Variants in ZNF429 observed in about 807,000 individuals in gnomAD.
ZNF429 encodes the protein zinc finger protein 429.
Under a neutral mutation model 56.8 loss-of-function variants are expected in ZNF429, and 53 were observed. That is an observed-to-expected ratio of 0.93 (90% confidence interval 0.75 to 1.17). The LOEUF is 1.17. ZNF429 is among the 50% of genes most tolerant of loss of function. The pLI, the probability that ZNF429 is intolerant of heterozygous loss-of-function variation, is 0.00. For missense variants in ZNF429, 849 were observed against 788.4 expected (o/e 1.08, Z -0.92); for synonymous variants, 278 against 264.7 (o/e 1.05, Z -0.49).
chr19:21,531,270 A>T, intron 3 of ZNF429, among the ~76,000 whole-genome samples: 1 of 152,068 alleles, frequency 6.6e-6, no homozygotes, highest in African/African-American at 2.4e-5. Flanking sequence ...GGACCCTAGT[A>T]CAGACCCCGC....
chr19:21,506,489 TTTAA>T (rs1363411621), intron 1 of ZNF429, among the ~76,000 whole-genome samples: 1 of 148,298 alleles, frequency 6.7e-6, no homozygotes, highest in South Asian at 2.1e-4. Context: ...TATTAAAGAA[TTTAA>T]TTAAAGAGTG....
chr19:21,522,064 C>G (rs1000992640), intron 1 of ZNF429, among the ~76,000 whole-genome samples: 1 of 152,140 alleles, frequency 6.6e-6, no homozygotes, highest in South Asian at 2.1e-4. Context: ...CAGGAGTGCT[C>G]TAGCCCAGTG....
chr19:21,540,387 TTTAAA>T lies in ZNF429; in HGVS notation c.*2312_*2316del, dbSNP rs2033879779. 6.6e-6 allele frequency among the ~76,000 whole-genome samples: 1 copy of T among 152,108 alleles called. No homozygotes were observed. The highest frequency in any genetic ancestry group is 1.5e-5 in the Non-Finnish European group (1 of 67,982). ...TTAAATATTTATCCTTTTTTTGATA[TTTAAA>T]TTTTTTTCTTATTTTTTTGTGGGTA... On this transcript the variant is annotated 3_prime_UTR_variant, in exon 4 of 4. Coordinates refer to ENST00000358491, the MANE Select transcript of ZNF429 (RefSeq NM_001001415.4).
At chr19:21,517,454 T>A (rs762790099) in intron 1 of ZNF429, among the ~76,000 whole-genome samples, 20 of 152,292 alleles carry the variant, frequency 1.3e-4, no homozygotes, top group Non-Finnish European at 2.8e-4. Context: ...TGTTACTATA[T>A]AATGAGCAGG....
Position 21,506,765 on chromosome 19 carries a change from TTG to T in ZNF429, c.3+993_3+994del, listed in dbSNP as rs1330519164. ...AAAAAAAAGCATTTGAGTTAGTTTT[TTG>T]TTTTTTTTTTTTTTTTTTTGAGATG... On this transcript the variant is annotated intron_variant, in intron 1 of 3. Coordinates refer to ENST00000358491, the MANE Select transcript of ZNF429 (RefSeq NM_001001415.4). 4.6e-3 allele frequency among the ~76,000 whole-genome samples: 659 copies of T among 142,948 alleles called. 31 individuals are homozygous for T. Among genetic ancestry groups the T allele is most frequent in the African/African-American group, 0.016 (599 of 37,524 alleles). 93.8% of individuals were successfully genotyped at this position (142,948 alleles called of 152,430 possible).
At chr19:21,515,457 T>C (rs2032696075) in intron 1 of ZNF429, among the ~76,000 whole-genome samples, 1 of 152,060 alleles carries the variant, frequency 6.6e-6, no homozygotes, top group Non-Finnish European at 1.5e-5. Context: ...TGTAAATTTG[T>C]TTAAGTTCCT....
At chr19:21,535,311 C>CTTTCTTTCTTTCTTTCTTTCTCT in intron 3 of ZNF429, among the ~76,000 whole-genome samples, 3 of 133,220 alleles carry the variant, frequency 2.3e-5, no homozygotes, top group Non-Finnish European at 3.2e-5. Context: ...TTCTTTCTTT[C>CTTTCTTTCTTTCTTTCTTTCTCT]TTTCTTTCTT....
chr19:21,511,075 C>T (rs140259531), intron 1 of ZNF429, among the ~76,000 whole-genome samples: 5,412 of 152,284 alleles, frequency 0.036, 312 homozygotes, highest in African/African-American at 0.12. Context: ...CATCATGACC[C>T]GTTCTCAATG....
chr19:21,505,842 T>C, intron 1 of ZNF429, 68 bp downstream of exon 1: 2 of 1,571,458 alleles, frequency 1.3e-6, no homozygotes, highest in Non-Finnish European at 1.7e-6. Context: ...GAAGTGGCCG[T>C]GGCGGACTTA....
In ZNF429 at chr19:21,512,035, C is replaced by T. The variant is rs893119040; in HGVS notation, c.3+6261C>T. 2.6e-5 allele frequency among the ~76,000 whole-genome samples: 4 copies of T among 152,160 alleles called. No homozygotes were observed. The East Asian group carries it at 7.7e-4, about 29-fold the overall frequency. ...GAGCTGAGATGGCAGCAGTACAGTC[C>T]AGCTTCGGCTCAGCATCAGAGGGAG... On this transcript the variant is annotated intron_variant, in intron 1 of 3. Coordinates refer to ENST00000358491, the MANE Select transcript of ZNF429 (RefSeq NM_001001415.4).
intron 3 of ZNF429, among the ~76,000 whole-genome samples, chr19:21,535,609 G>A: frequency 6.6e-6 from 1 of 150,920 alleles, no homozygotes; most frequent in Non-Finnish European, 1.5e-5. Flanking sequence ...CCACTTTCTG[G>A]GTTCAAGTGA....
chr19:21,517,914 C>T (rs2145435529), intron 1 of ZNF429, among the ~76,000 whole-genome samples: 1 of 151,756 alleles, frequency 6.6e-6, no homozygotes, highest in African/African-American at 2.4e-5. Flanking sequence ...CTGCCTCTGC[C>T]TCCTGAGTAG....
intron 1 of ZNF429, among the ~76,000 whole-genome samples, chr19:21,513,568 A>C (rs185219119): frequency 1.3e-5 from 2 of 152,314 alleles, no homozygotes; most frequent in East Asian, 3.9e-4. Flanking sequence ...GTCCAAATTC[A>C]AATGTTAGAC....
At chr19:21,512,934 T>A (rs1957132647) in intron 1 of ZNF429, among the ~76,000 whole-genome samples, 1 of 151,266 alleles carries the variant, frequency 6.6e-6, no homozygotes, top group African/African-American at 2.4e-5. Flanking sequence ...TGCAGTGGCG[T>A]GATCTCGGCT....
chr19:21,538,379 A>C lies in ZNF429; in HGVS notation c.*301A>C, dbSNP rs1398135570. 2.0e-5 allele frequency among the ~76,000 whole-genome samples: 3 copies of C among 151,380 alleles called. No homozygotes were observed. The highest frequency in any genetic ancestry group is 7.3e-5 in the African/African-American group (3 of 41,212). Reference sequence around the variant, plus strand: ...CACTTTGGGAGGCCGAGGCGGGTGGATCACGAGGTCAGGAGTTCAAGACCA... The same window carrying C: ...CACTTTGGGAGGCCGAGGCGGGTGGCTCACGAGGTCAGGAGTTCAAGACCA... On this transcript the variant is annotated 3_prime_UTR_variant, in exon 4 of 4. Transcript: ENST00000358491.
chr19:21,509,650 A>G (rs1044879409), intron 1 of ZNF429, among the ~76,000 whole-genome samples: 1 of 152,260 alleles, frequency 6.6e-6, no homozygotes, highest in African/African-American at 2.4e-5. Context: ...GAGAAGCTAC[A>G]GAGCCCTGGA....
At chr19:21,531,423 C>T in intron 3 of ZNF429, among the ~76,000 whole-genome samples, 1 of 152,118 alleles carries the variant, frequency 6.6e-6, no homozygotes, top group Non-Finnish European at 1.5e-5. Flanking sequence ...CATTCACAGA[C>T]ACCAATGCAA....
chr19:21,506,443 C>CA (rs1229591215), intron 1 of ZNF429, among the ~76,000 whole-genome samples: 1,425 of 99,192 alleles, frequency 0.014, 35 homozygotes, highest in African/African-American at 0.046. Flanking sequence ...CTATCTCAAA[C>CA]AAAAAAAAAA....
chr19:21,525,163 A>T (rs1165903992), intron 1 of ZNF429, among the ~76,000 whole-genome samples: 5 of 152,200 alleles, frequency 3.3e-5, no homozygotes, highest in Admixed American at 3.3e-4. Flanking sequence ...TGATGTCATC[A>T]GCTGAAGGGA....
Sources: allele counts gnomAD v4.1 joint callset (sites outside exome capture counted in the v4.1 genomes callset), GRCh38; gene constraint gnomAD v4.1.1; transcripts MANE v1.5; gene names NCBI Gene and HGNC (gene_info 2026-07-23, HGNC 2026-07-21).